The following SVEP1 variants were observed in gnomAD, a reference collection of about 807,000 sequenced individuals.
The protein encoded by SVEP1 is sushi, von Willebrand factor type A, EGF and pentraxin domain containing 1, also known as sushi, von Willebrand factor type A, EGF and pentraxin domain-containing protein 1.
SVEP1 carries 164 observed loss-of-function variants against 367.3 expected under a neutral mutation model. The ratio of observed to expected loss-of-function variants is 0.45; its 90% CI spans 0.39 to 0.51. SVEP1 has a LOEUF of 0.51. SVEP1 is among the 20% of genes least tolerant of loss of function. The pLI is 0.00. For synonymous variants in SVEP1, 1,666 were observed against 1,611.6 expected (o/e 1.03, Z -0.81); for missense variants, 4,117 against 4,425.3 (o/e 0.93, Z 1.98).
At chr9:110,513,818 C>T in intron 4 of SVEP1, 130 bp downstream of exon 4, 1 of 1,102,534 alleles carries the variant, frequency 9.1e-7, no homozygotes, top group Non-Finnish European at 1.3e-6. Flanking sequence ...CATCCCACTC[C>T]CCCAAAAAAT....
chr9:110,465,225 G>A (rs898052281), intron 18 of SVEP1, among the ~76,000 whole-genome samples: 2 of 151,670 alleles, frequency 1.3e-5, no homozygotes, highest in African/African-American at 2.4e-5. Flanking sequence ...TCTCCATGCT[G>A]ACATTTGAGA....
intron 39 of SVEP1, among the ~76,000 whole-genome samples, chr9:110,402,612 CT>C (rs1160023062): frequency 6.6e-6 from 1 of 151,952 alleles, no homozygotes; most frequent in South Asian, 2.1e-4. Flanking sequence ...AGCTTAGTAT[CT>C]TTTTTAGCCA....
intron 1 of SVEP1, among the ~76,000 whole-genome samples, chr9:110,574,903 G>A (rs1483973924): frequency 6.6e-6 from 1 of 151,634 alleles, no homozygotes; most frequent in Non-Finnish European, 1.5e-5. Flanking sequence ...CCACCACCAC[G>A]CCCGGCTAAT....
chr9:110,514,764 TA>T (rs751162481), intron 3 of SVEP1, among the ~76,000 whole-genome samples: 33 of 152,010 alleles, frequency 2.2e-4, no homozygotes, highest in African/African-American at 6.0e-4. Context: ...CCTCAATAGA[TA>T]AAAAAAACTT....
chr9:110,374,185 A>G (rs138237134), intron 46 of SVEP1, among the ~76,000 whole-genome samples: 14 of 152,150 alleles, frequency 9.2e-5, no homozygotes, highest in African/African-American at 2.6e-4. Flanking sequence ...TCCAGTGTCT[A>G]TTGTTCCTAC....
chr9:110,455,032 GTATT>G (rs1232734344), intron 22 of SVEP1, among the ~76,000 whole-genome samples: 33 of 152,216 alleles, frequency 2.2e-4, no homozygotes, highest in African/African-American at 7.7e-4. Flanking sequence ...ACTTAAATAT[GTATT>G]TATTTAAGTT....
intron 36 of SVEP1, among the ~76,000 whole-genome samples, chr9:110,423,690 CA>C (rs1332093576): frequency 1.3e-5 from 2 of 151,984 alleles, no homozygotes; most frequent in African/African-American, 4.8e-5. Flanking sequence ...AATTCTATAA[CA>C]AAAGGCACCA....
At chr9:110,441,270 A>C (rs1828505868) in intron 27 of SVEP1, among the ~76,000 whole-genome samples, 1 of 152,238 alleles carries the variant, frequency 6.6e-6, no homozygotes. Context: ...GATTTTCAAA[A>C]GCAGCCTCTA....
intron 1 of SVEP1, among the ~76,000 whole-genome samples, chr9:110,570,308 G>A (rs1421774157): frequency 6.6e-6 from 1 of 152,114 alleles, no homozygotes; most frequent in African/African-American, 2.4e-5. Flanking sequence ...CCTGAGAAAT[G>A]TTCACTTGTA....
Position 110,488,716 on chromosome 9 carries a change from C to A in SVEP1, c.1930+934G>T, listed in dbSNP as rs1421357453. On this transcript the variant is annotated intron_variant, in intron 9 of 47. Coordinates refer to ENST00000374469, the MANE Select transcript of SVEP1 (RefSeq NM_153366.4). The stretch of plus-strand genomic sequence containing the variant: ...TCTCTACAAAAAAATTAAAAAAAAA[C>A]AAAACAAATTAGCTGGGTGTGGTGG... Among the ~76,000 whole-genome samples the A allele has an allele frequency of 2.0e-5, 3 of 148,088 alleles. No individual in the cohort carries two copies. In the South Asian group the frequency reaches 6.6e-4, roughly 32 times the overall value.
chr9:110,407,026 A>C lies in SVEP1; in HGVS notation c.8574T>G (p.Thr2858=). Reference sequence around the variant, plus strand: ...CCTCAAGCAAGAACCCTTCATTGCAAGTGTATTCAATCTCTTTTTGGAATG... The same window carrying C: ...CCTCAAGCAAGAACCCTTCATTGCACGTGTATTCAATCTCTTTTTGGAATG... ...EYTFQKEIEY[T]CNEGFLLEGA... Residue 2858 remains threonine (T), a synonymous_variant, in exon 38 of 48, where the codon ACT becomes ACG. Coordinates refer to ENST00000374469, the MANE Select transcript of SVEP1 (RefSeq NM_153366.4). 1 of 1,613,962 alleles carries C rather than the reference A, an allele frequency of 6.2e-7. No individual in the cohort carries two copies. The highest frequency in any genetic ancestry group is 8.5e-7 in the Non-Finnish European group (1 of 1,179,874).
Position 110,515,724 on chromosome 9 carries a change from A to G in SVEP1, c.965-1618T>C, listed in dbSNP as rs954779807. 3.3e-5 allele frequency among the ~76,000 whole-genome samples: 5 copies of G among 152,212 alleles called. 1 individual carries two copies. Among genetic ancestry groups the G allele is most frequent in the Non-Finnish European group, 7.3e-5 (5 of 68,038 alleles). On this transcript the variant is annotated intron_variant, in intron 3 of 47. Transcript: ENST00000374469. ...TAGTATTATTATATCCATTTTAAAC[A>G]TCAGAAAATGGAGGCTTAGAGAGAT...
intron 36 of SVEP1, among the ~76,000 whole-genome samples, chr9:110,415,562 C>T (rs1286777953): frequency 6.6e-6 from 1 of 152,012 alleles, no homozygotes; most frequent in Non-Finnish European, 1.5e-5. Context: ...ATGACTTGAA[C>T]AGAGCGATGC....
rs1277211903 is a variant in SVEP1, at chr9:110,408,870, C to T, written c.6730G>A (p.Val2244Ile). 1.2e-6 allele frequency: 2 copies of T among 1,613,586 alleles called. No individual in the cohort carries two copies. The highest frequency in any genetic ancestry group is 1.7e-6 in the Non-Finnish European group (2 of 1,179,838). Residue 2244 changes from valine (V) to isoleucine (I), a missense_variant, in exon 38 of 48, where the codon GTC (valine) becomes ATC (isoleucine). Physicochemically the swap from Val to Ile is conservative, Grantham distance 29 (BLOSUM62 3). Transcript: ENST00000374469. ...TGCCAGTGGCGATTGGCTTGGCAGACAAATACAGGACTTCCGACTGACTTA... is the reference window on the plus strand; with the variant it reads ...TGCCAGTGGCGATTGGCTTGGCAGATAAATACAGGACTTCCGACTGACTTA... Reference protein sequence around the residue: ...GYKSVGSPVFVCQANRHWHSE... With the variant: ...GYKSVGSPVFICQANRHWHSE...
chr9:110,547,038 T>A (rs1442860442), intron 2 of SVEP1, among the ~76,000 whole-genome samples: 1 of 152,182 alleles, frequency 6.6e-6, no homozygotes, highest in African/African-American at 2.4e-5. Flanking sequence ...AGCCCAGATA[T>A]TGTGATGGGC....
In SVEP1 at chr9:110,372,794, G is replaced by A. The variant is rs187937315; in HGVS notation, c.10600+2574C>T. On this transcript the variant is annotated intron_variant, in intron 46 of 47. Coordinates refer to ENST00000374469, the MANE Select transcript of SVEP1 (RefSeq NM_153366.4). ...TCACTGCAGGGCACAGTGTGTGATG[G>A]TAGGATAACAAGTGAGTTGTGCTTC... Among the ~76,000 whole-genome samples, 21 of 152,302 alleles carry A rather than the reference G, an allele frequency of 1.4e-4. No homozygotes were observed. The East Asian group carries it at 3.9e-3, about 28-fold the overall frequency.
intron 1 of SVEP1, among the ~76,000 whole-genome samples, chr9:110,571,473 G>A (rs1209844877): frequency 6.6e-6 from 1 of 152,156 alleles, no homozygotes; most frequent in Non-Finnish European, 1.5e-5. Context: ...AGCTCCAGTA[G>A]CCAACTGAGA....
intron 27 of SVEP1, 76 bp downstream of exon 27, chr9:110,443,469 T>C (rs1564144247): frequency 1.6e-6 from 2 of 1,239,040 alleles, no homozygotes; most frequent in East Asian, 5.9e-5. Context: ...ACAACAATGC[T>C]AGCAAACCTG....
intron 14 of SVEP1, 79 bp from the exon 15 acceptor site, chr9:110,472,402 A>G: frequency 7.2e-7 from 1 of 1,395,810 alleles, no homozygotes; most frequent in East Asian, 2.4e-5. Context: ...TTAAGCCACA[A>G]GTGAAATTAC....
Sources: gnomAD v4.1 joint callset for allele counts (sites outside exome capture counted in the v4.1 genomes callset) on GRCh38, gnomAD v4.1.1 for gene constraint, MANE v1.5 for transcripts, NCBI Gene and HGNC (gene_info 2026-07-23, HGNC 2026-07-21) for gene names.